KBTBD11: variants seen among roughly 807,000 people sequenced by gnomAD.
KBTBD11 encodes the protein kelch repeat and BTB domain-containing protein 11.
For missense variants in KBTBD11, 1,390 were observed against 1,001.8 expected (o/e 1.39, Z -5.23); for synonymous variants, 747 against 499.0 (o/e 1.50, Z -6.63).
rs1326261193 is a variant in KBTBD11 at position 2,000,988 on chromosome 8, G to A, written c.-205G>A. The A allele has an allele frequency of 3.4e-6, 2 of 589,590 alleles. No homozygotes were observed. The highest frequency in any genetic ancestry group is 5.0e-6 in the Non-Finnish European group (2 of 401,690). The allele number at this position is 589,590 out of a possible 1,614,324, so 36.5% of individuals were successfully genotyped here. ...ACACACCCCTCCTCGCTGGAGAGGA[G>A]AGGGCAAAGGCGAGGCGGGGGAGCA... On this transcript the variant is annotated 5_prime_UTR_variant, in exon 2 of 2. Coordinates refer to ENST00000320248, the MANE Select transcript of KBTBD11 (RefSeq NM_014867.3).
intron 1 of KBTBD11, chr8:1,974,326 G>T (rs1816244086): frequency 7.1e-6 from 7 of 984,152 alleles, no homozygotes; most frequent in Non-Finnish European, 8.4e-6. Context: ...CGCCGCGCCC[G>T]CAGTCACCGC....
At chr8:1,998,293 C>T (rs1298915238) in intron 1 of KBTBD11, among the ~76,000 whole-genome samples, 2 of 152,210 alleles carry the variant, frequency 1.3e-5, no homozygotes, top group Non-Finnish European at 2.9e-5. Context: ...AGATGGGTCC[C>T]TCGCTGTTGG....
chr8:1,991,593 G>C (rs754102011), intron 1 of KBTBD11, among the ~76,000 whole-genome samples: 3 of 151,376 alleles, frequency 2.0e-5, no homozygotes, highest in East Asian at 3.9e-4. Flanking sequence ...CCAGAGGCCC[G>C]TGCATCGCCA....
At chr8:1,974,707 C>T in intron 1 of KBTBD11, 1 of 985,446 alleles carries the variant, frequency 1.0e-6, no homozygotes, top group Non-Finnish European at 1.2e-6. Context: ...CGGGATTCCG[C>T]AGGGGTCCCT....
At chr8:1,984,874 T>C (rs1410104853) in intron 1 of KBTBD11, among the ~76,000 whole-genome samples, 1 of 152,156 alleles carries the variant, frequency 6.6e-6, no homozygotes, top group Non-Finnish European at 1.5e-5. Flanking sequence ...GTTGCTGCTG[T>C]TTGGCCTTCT....
chr8:1,974,035 G>C (rs1469231686), intron 1 of KBTBD11, 100 bp downstream of exon 1: 1 of 882,974 alleles, frequency 1.1e-6, no homozygotes, highest in Non-Finnish European at 1.4e-6. Context: ...GAGGTGGTCG[G>C]CGAGAGCGGC....
chr8:2,000,288 C>G lies in KBTBD11; in HGVS notation c.-905C>G, dbSNP rs1817291019. 1.3e-5 allele frequency: 2 copies of G among 152,194 alleles called. No individual in the cohort carries two copies. The highest frequency in any genetic ancestry group is 1.3e-4 in the Admixed American group (2 of 15,278). 9.4% of individuals were successfully genotyped at this position (152,194 alleles called of 1,614,324 possible). ...TCTCTTTTTGTCCTATAAACAGGAA[C>G]AAGAGTGTGGTGAGAGGACGCGGAA... is the stretch of plus-strand genomic sequence containing the variant. On this transcript the variant is annotated 5_prime_UTR_variant, in exon 2 of 2. Coordinates refer to ENST00000320248, the MANE Select transcript of KBTBD11 (RefSeq NM_014867.3).
chr8:2,002,231 G>C lies in KBTBD11; in HGVS notation c.1039G>C (p.Ala347Pro). The change falls in exon 2 of 2, where the codon GCG becomes CCG. Residue 347 changes from alanine (A) to proline (P), a missense_variant. Coordinates refer to ENST00000320248, the MANE Select transcript of KBTBD11 (RefSeq NM_014867.3). The surrounding 1 kb of genome is among the most constrained non-coding windows in gnomAD (Gnocchi z 4.1). ...WRELTRLPEG[A>P]PARGCGLCVL... The stretch of plus-strand genomic sequence containing the variant: ...CGAGCTGACGCGGCTGCCCGAGGGC[G>C]CGCCGGCGCGGGGCTGCGGCCTGTG... 1.5e-5 allele frequency: 19 copies of C among 1,269,324 alleles called. No homozygotes were observed. Among genetic ancestry groups the C allele is most frequent in the Non-Finnish European group, 1.9e-5 (19 of 1,012,208 alleles). The allele number at this position is 1,269,324 out of a possible 1,614,324, so 78.6% of individuals were successfully genotyped here.
Position 2,001,860 on chromosome 8 carries a change from C to T in KBTBD11, c.668C>T (p.Ala223Val). Residue 223 changes from alanine (A) to valine (V), a missense_variant, in exon 2 of 2, where the codon GCC becomes GTC. Coordinates refer to ENST00000320248, the MANE Select transcript of KBTBD11 (RefSeq NM_014867.3). Reference protein sequence around the residue: ...RLQLPGAAQRATDAVGPQLSL... With the variant: ...RLQLPGAAQRVTDAVGPQLSL... ...CAGCTGCCCGGCGCCGCGCAGCGCG[C>T]CACCGACGCCGTGGGGCCGCAGCTG... The T allele has an allele frequency of 7.7e-7, 1 of 1,295,832 alleles. No homozygotes were observed. The highest frequency in any genetic ancestry group is 1.8e-5 in the South Asian group (1 of 56,424). 80.3% of individuals were successfully genotyped at this position (1,295,832 alleles called of 1,614,324 possible).
Position 2,001,407 on chromosome 8 carries a change from G to C in KBTBD11, c.215G>C (p.Arg72Pro). 1 of 1,402,578 alleles carries C rather than the reference G, an allele frequency of 7.1e-7. No homozygotes were observed. Among genetic ancestry groups the C allele is most frequent in the Non-Finnish European group, 9.2e-7 (1 of 1,082,700 alleles). The allele number at this position is 1,402,578 out of a possible 1,614,324, so 86.9% of individuals were successfully genotyped here. A position where few individuals can be genotyped will look rare whatever the true frequency, so the allele number is the denominator to read the frequency against. ...TCCCCGCCCTCCAGCGGTGGCCCGC[G>C]GGTGGTGGAGCGGCAGTGGGAGGCC... ...ATSPPSSGGP[R>P]VVERQWEAGS... The change falls in exon 2 of 2, where the codon CGG (arginine) becomes CCG (proline). Residue 72 changes from arginine to proline, a missense_variant. Physicochemically the swap from Arg to Pro is moderately radical, Grantham distance 103 (BLOSUM62 -2). Coordinates refer to ENST00000320248, the MANE Select transcript of KBTBD11 (RefSeq NM_014867.3).
intron 1 of KBTBD11, chr8:1,975,971 G>A (rs1816326619): frequency 1.3e-5 from 2 of 152,218 alleles, no homozygotes; most frequent in African/African-American, 2.4e-5. Context: ...GACTCTCCGT[G>A]CTGTGGACGC....
At chr8:1,986,521 T>A (rs1296174934) in intron 1 of KBTBD11, among the ~76,000 whole-genome samples, 1 of 152,136 alleles carries the variant, frequency 6.6e-6, no homozygotes, top group Non-Finnish European at 1.5e-5. Context: ...AACCAACAGC[T>A]CAGAACTTTA....
chr8:1,978,966 C>T (rs924577437), intron 1 of KBTBD11, among the ~76,000 whole-genome samples: 1 of 152,188 alleles, frequency 6.6e-6, no homozygotes, highest in African/African-American at 2.4e-5. Context: ...CACCCCCAGC[C>T]CACAGTGCAC....
intron 1 of KBTBD11, among the ~76,000 whole-genome samples, chr8:1,982,928 GT>G (rs1816588240): frequency 6.6e-6 from 1 of 152,162 alleles, no homozygotes. Context: ...GTATTGCCAT[GT>G]TGTCCAGGCT....
At chr8:1,974,673 G>A (rs891636353) in intron 1 of KBTBD11, 2 of 985,238 alleles carry the variant, frequency 2.0e-6, no homozygotes, top group Non-Finnish European at 2.4e-6. Context: ...CCCATGTGCT[G>A]GGGAGACCCC....
At position 2,002,667 on chromosome 8, in the gene KBTBD11, C is replaced by T. The variant is rs1585764922; in HGVS notation, c.1475C>T (p.Ser492Leu). 3 of 1,571,336 alleles carry T rather than the reference C, an allele frequency of 1.9e-6. No homozygotes were observed. The highest frequency in any genetic ancestry group is 2.7e-5 in the African/African-American group (2 of 72,932). ...CCGTGCAGCAGCAGCCGCGAGCGCT[C>T]GGCCGACATGGTGGCTCTCGACGGC... ...ECPCSSSRERSADMVALDGFI... is the reference protein window; with the variant it reads ...ECPCSSSRERLADMVALDGFI... Residue 492 changes from serine (S) to leucine (L), a missense_variant, in exon 2 of 2, where the codon TCG (serine) becomes TTG (leucine). Coordinates refer to ENST00000320248, the MANE Select transcript of KBTBD11 (RefSeq NM_014867.3). This position sits in a 1 kb window ranked among gnomAD's most constrained non-coding sequence, Gnocchi z 4.1.
chr8:2,003,851 C>A lies in KBTBD11; in HGVS notation c.*787C>A, dbSNP rs1817489960. 1 of 166,904 alleles carries A rather than the reference C, an allele frequency of 6.0e-6. No individual in the cohort carries two copies. The highest frequency in any genetic ancestry group is 6.5e-5 in the Admixed American group (1 of 15,282). The allele number at this position is 166,904 out of a possible 1,614,324, so 10.3% of individuals were successfully genotyped here. The stretch of plus-strand genomic sequence containing the variant: ...TCAGTGGCTAAATGTGACCAAACAG[C>A]ACATCATAAGTAGGAAAAACTTACC... On this transcript the variant is annotated 3_prime_UTR_variant, in exon 2 of 2. Transcript: ENST00000320248.
At position 2,002,865 on chromosome 8, in the gene KBTBD11, T is replaced by C. The variant is rs888130202; in HGVS notation, c.1673T>C (p.Leu558Pro). 8.0e-6 allele frequency: 11 copies of C among 1,367,018 alleles called. No individual in the cohort carries two copies. In the Admixed American group the frequency reaches 1.2e-4, roughly 15 times the overall value. 84.7% of individuals were successfully genotyped at this position (1,367,018 alleles called of 1,614,324 possible). ...CTGCAGCCCTTCCGCTGCGCCGCCC[T>C]GGACGGCGCCATCTACTGCGTGAGC... The part of the protein sequence containing the change: ...TGLQPFRCAA[L>P]DGAIYCVSRA... The change falls in exon 2 of 2, where the codon CTG (leucine) becomes CCG (proline). Residue 558 changes from leucine to proline, a missense_variant. By Grantham distance (98) the Leu-to-Pro change is moderately conservative. Transcript: ENST00000320248. This position sits in a 1 kb window ranked among gnomAD's most constrained non-coding sequence, Gnocchi z 4.1.
chr8:1,976,624 G>A (rs981943720), intron 1 of KBTBD11: 4 of 151,878 alleles, frequency 2.6e-5, no homozygotes, highest in African/African-American at 9.7e-5. Flanking sequence ...ACAGTTGTAA[G>A]TAAAGTCAGC....
Sources: allele counts gnomAD v4.1 joint callset (sites outside exome capture counted in the v4.1 genomes callset), GRCh38; gene constraint gnomAD v4.1.1; non-coding constraint Gnocchi (gnomAD v3.1); transcripts MANE v1.5; gene names NCBI Gene and HGNC (gene_info 2026-07-23, HGNC 2026-07-21).